Variants in DPP10 observed in about 807,000 individuals in gnomAD.
DPP10 encodes the protein inactive dipeptidyl peptidase 10.
DPP10 carries 33 observed loss-of-function variants against 120.9 expected under a neutral mutation model. The observed-to-expected ratio is 0.27, with a 90% CI of 0.21 to 0.37. The LOEUF is 0.37. Ranked by LOEUF, DPP10 falls within the 10% of genes least tolerant of loss-of-function variation. The pLI is 1.00. For synonymous variants in DPP10, 337 were observed against 326.1 expected (o/e 1.03, Z -0.36); for missense variants, 816 against 942.8 (o/e 0.87, Z 1.76).
intron 5 of DPP10, among the ~76,000 whole-genome samples, chr2:115,638,516 G>A (rs932157845): frequency 6.6e-6 from 1 of 152,172 alleles, no homozygotes; most frequent in Non-Finnish European, 1.5e-5. Flanking sequence ...TGAATTCTAG[G>A]TCAAAATGTC....
intron 1 of DPP10, among the ~76,000 whole-genome samples, chr2:115,179,903 CTATTCTTAACAA>C (rs2053961019): frequency 6.6e-6 from 1 of 152,124 alleles, no homozygotes; most frequent in South Asian, 2.1e-4. Context: ...TTTAGTTAAA[CTATTCTTAACAA>C]TAGGAAAAAC....
At chr2:115,527,152 A>G (rs778737487) in intron 5 of DPP10, among the ~76,000 whole-genome samples, 20 of 152,122 alleles carry the variant, frequency 1.3e-4, no homozygotes, top group Non-Finnish European at 2.4e-4. Context: ...TGTAATGAAG[A>G]CTGGAACTGG....
rs535152141 is a variant in DPP10, at chr2:115,091,158, C to G, written c.61-218081C>G. ...CCAACCATCTCCCTGTGCTAAGAAG[C>G]CAGATCAAGGCAACACCAATGGCCC... On this transcript the variant is annotated intron_variant, in intron 1 of 25. Coordinates refer to ENST00000410059, the MANE Select transcript of DPP10 (RefSeq NM_020868.6). 3.9e-5 allele frequency among the ~76,000 whole-genome samples: 6 copies of G among 152,302 alleles called. No individual in the cohort carries two copies. In the South Asian group the frequency reaches 1.2e-3, roughly 32 times the overall value.
At chr2:114,992,672 G>A (rs1700816281) in intron 1 of DPP10, among the ~76,000 whole-genome samples, 1 of 152,178 alleles carries the variant, frequency 6.6e-6, no homozygotes, top group South Asian at 2.1e-4. Context: ...TTAAGATCCT[G>A]TTCTAGAGAG....
intron 4 of DPP10, among the ~76,000 whole-genome samples, chr2:115,508,887 G>A (rs1028135323): frequency 6.6e-6 from 1 of 152,104 alleles, no homozygotes; most frequent in South Asian, 2.1e-4. Context: ...TGGCAACAGA[G>A]CGAGACTTCA....
chr2:114,849,495 C>G (rs953351420), intron 1 of DPP10, among the ~76,000 whole-genome samples: 14 of 151,988 alleles, frequency 9.2e-5, no homozygotes, highest in Non-Finnish European at 1.2e-4. Flanking sequence ...CACCGTCACA[C>G]CTGGCTAATT....
intron 4 of DPP10, among the ~76,000 whole-genome samples, chr2:115,514,947 A>AAT (rs1575067497): frequency 6.6e-6 from 1 of 151,876 alleles, no homozygotes; most frequent in East Asian, 1.9e-4. Flanking sequence ...AATATTCTAT[A>AAT]ATATATACAT....
intron 2 of DPP10, among the ~76,000 whole-genome samples, chr2:115,329,647 T>C (rs1203884881): frequency 6.6e-6 from 1 of 152,138 alleles, no homozygotes; most frequent in Non-Finnish European, 1.5e-5. Flanking sequence ...CCAAGCGTTT[T>C]CATTGTTCAA....
intron 1 of DPP10, among the ~76,000 whole-genome samples, chr2:114,814,938 G>T (rs1038038794): frequency 3.3e-5 from 5 of 152,176 alleles, no homozygotes; most frequent in African/African-American, 1.2e-4. Flanking sequence ...GTTTGGGGAT[G>T]GGACATCCAG....
intron 1 of DPP10, among the ~76,000 whole-genome samples, chr2:114,964,692 T>C (rs1698879884): frequency 6.6e-6 from 1 of 152,130 alleles, no homozygotes; most frequent in Admixed American, 6.5e-5. Context: ...GTAAGTAGGA[T>C]ATCAGTTTAG....
At chr2:115,468,816 CTG>C (rs1470012079) in intron 3 of DPP10, 2 of 453,796 alleles carry the variant, frequency 4.4e-6, no homozygotes, top group African/African-American at 4.0e-5. Flanking sequence ...CAGGTGCCCT[CTG>C]TGCTTATTCA....
chr2:114,552,854 AT>A (rs1158982082), intron 1 of DPP10, among the ~76,000 whole-genome samples: 1 of 151,966 alleles, frequency 6.6e-6, no homozygotes, highest in Non-Finnish European at 1.5e-5. Flanking sequence ...CCCATTATAC[AT>A]TCTTTCTATT....
intron 1 of DPP10, among the ~76,000 whole-genome samples, chr2:115,001,206 A>G (rs1701417401): frequency 6.6e-6 from 1 of 152,240 alleles, no homozygotes; most frequent in Non-Finnish European, 1.5e-5. Context: ...ATCACTTAAT[A>G]AACAGCAGTT....
intron 3 of DPP10, among the ~76,000 whole-genome samples, chr2:115,373,483 A>G (rs1015425869): frequency 3.1e-5 from 4 of 130,262 alleles, no homozygotes; most frequent in African/African-American, 1.1e-4. Flanking sequence ...CTAATTGATC[A>G]TAGGATGAAG....
intron 16 of DPP10, among the ~76,000 whole-genome samples, chr2:115,781,219 A>G (rs1461459132): frequency 6.6e-6 from 1 of 151,932 alleles, no homozygotes; most frequent in African/African-American, 2.4e-5. Context: ...ACACATAATT[A>G]ATAAGTGCTA....
chr2:115,606,952 T>A (rs1168395057), intron 5 of DPP10, among the ~76,000 whole-genome samples: 1 of 152,162 alleles, frequency 6.6e-6, no homozygotes, highest in Non-Finnish European at 1.5e-5. Flanking sequence ...TGAGAAGCAG[T>A]CAAATGCAAC....
At chr2:115,810,991 G>A (rs1438346051) in intron 19 of DPP10, among the ~76,000 whole-genome samples, 1 of 152,130 alleles carries the variant, frequency 6.6e-6, no homozygotes, top group Non-Finnish European at 1.5e-5. Context: ...GTTATCCCTA[G>A]CACCAAATGT....
At chr2:114,825,192 T>G (rs187189796) in intron 1 of DPP10, among the ~76,000 whole-genome samples, 15 of 152,276 alleles carry the variant, frequency 9.9e-5, no homozygotes, top group Non-Finnish European at 1.9e-4. Flanking sequence ...GCTCCGAGAG[T>G]GACTATATAT....
At chr2:115,450,396 A>G (rs761219115) in intron 3 of DPP10, among the ~76,000 whole-genome samples, 4 of 152,054 alleles carry the variant, frequency 2.6e-5, no homozygotes, top group East Asian at 1.9e-4. Flanking sequence ...GTTGAAGACC[A>G]TCTGTATATG....
Sources: allele counts gnomAD v4.1 joint callset (sites outside exome capture counted in the v4.1 genomes callset), GRCh38; gene constraint gnomAD v4.1.1; transcripts MANE v1.5; gene names NCBI Gene and HGNC (gene_info 2026-07-23, HGNC 2026-07-21).